The following RRP1 variants were observed in gnomAD, a reference collection of about 807,000 sequenced individuals.
The protein encoded by RRP1 is ribosomal RNA processing protein 1 homolog A.
RRP1 carries 37 observed loss-of-function variants against 54.6 expected under a neutral mutation model. The observed-to-expected ratio is 0.68, with a 90% CI of 0.52 to 0.89. The LOEUF is 0.89. Among genes scored for constraint, RRP1 ranks in the 40% least tolerant of loss-of-function variants. The pLI, the probability that RRP1 is intolerant of heterozygous loss-of-function variation, is 0.00. For missense variants in RRP1, 639 were observed against 612.5 expected (o/e 1.04, Z -0.46); for synonymous variants, 262 against 244.3 (o/e 1.07, Z -0.67).
rs906535105 is a variant in RRP1 at position 43,803,588 on chromosome 21, C to T, written c.1200C>T (p.Pro400=). 9.7e-6 allele frequency: 15 copies of T among 1,552,408 alleles called. No individual in the cohort carries two copies. Among genetic ancestry groups the T allele is most frequent in the Middle Eastern group, 2.1e-4 (1 of 4,788 alleles). Reference sequence around the variant, plus strand: ...GGAGGAGGGGTGTAGGGGCCGACCCCGAGGCGCGGGCAGAGGCTGGTGAGC... The same window carrying T: ...GGAGGAGGGGTGTAGGGGCCGACCCTGAGGCGCGGGCAGAGGCTGGTGAGC... ...RSRRRGVGAD[P]EARAEAGEQP... is the part of the protein sequence containing the mutation. Residue 400 remains proline (P), a synonymous_variant, in exon 13 of 13, where the codon CCC becomes CCT. Transcript: ENST00000497547.
rs2123422801 is a variant in RRP1, at chr21:43,802,395, TA to T, written c.1123+9del. On this transcript the variant is annotated intron_variant, in intron 12 of 12. Coordinates refer to ENST00000497547, the MANE Select transcript of RRP1 (RefSeq NM_003683.6). ...GGTTGCAGCAGGAGAGAGGTAGGAC[TA>T]GGGGGTGTGTTAGTCATGGAGCCGG... 6.2e-7 allele frequency: 1 copy of T among 1,610,070 alleles called. No individual in the cohort carries two copies. Among genetic ancestry groups the T allele is most frequent in the East Asian group, 2.2e-5 (1 of 44,858 alleles).
chr21:43,798,132 G>A lies in RRP1; in HGVS notation c.811+32G>A, dbSNP rs757492135. The stretch of plus-strand genomic sequence containing the variant: ...GTCACACTGCGCCTGGCTTCTCCTC[G>A]GGGCCTGTCCTGGGCTGAGCCAGTG... On this transcript the variant is annotated intron_variant, in intron 8 of 12. Coordinates refer to ENST00000497547, the MANE Select transcript of RRP1 (RefSeq NM_003683.6). The A allele has an allele frequency of 7.0e-6, 11 of 1,562,620 alleles. No homozygotes were observed. In the Admixed American group the frequency reaches 7.5e-5, roughly 11 times the overall value.
Position 43,789,731 on chromosome 21 carries a change from A to G in RRP1, c.102A>G (p.Lys34=). Residue 34 remains lysine, a synonymous_variant, in exon 1 of 13, where the codon AAA becomes AAG. Coordinates refer to ENST00000497547, the MANE Select transcript of RRP1 (RefSeq NM_003683.6). ...TRDRAVRKLR[K]YIVARTQRAA... Reference sequence around the variant, plus strand: ...ACCGGGCGGTGAGGAAGCTCCGGAAATACATCGTCGCCAGGACTCAGCGGG... The same window carrying G: ...ACCGGGCGGTGAGGAAGCTCCGGAAGTACATCGTCGCCAGGACTCAGCGGG... 1.3e-6 allele frequency: 2 copies of G among 1,539,392 alleles called. No individual in the cohort carries two copies. Among genetic ancestry groups the G allele is most frequent in the Non-Finnish European group, 1.8e-6 (2 of 1,142,500 alleles).
chr21:43,804,325 C>T lies in RRP1; in HGVS notation c.*551C>T, dbSNP rs1182947155. ...GCAAGGAATTCAGCTCCAGTAAGGCCTGGATTGCCCGGGGTGAGCGTGTGT... is the reference window on the plus strand; with the variant it reads ...GCAAGGAATTCAGCTCCAGTAAGGCTTGGATTGCCCGGGGTGAGCGTGTGT... On this transcript the variant is annotated 3_prime_UTR_variant, in exon 13 of 13. Coordinates refer to ENST00000497547, the MANE Select transcript of RRP1 (RefSeq NM_003683.6). This position sits in a 1 kb window ranked among gnomAD's most constrained non-coding sequence, Gnocchi z 4.3. 6.6e-6 allele frequency: 1 copy of T among 152,650 alleles called. No homozygotes were observed. The highest frequency in any genetic ancestry group is 1.9e-4 in the East Asian group (1 of 5,196). 9.5% of individuals were successfully genotyped at this position (152,650 alleles called of 1,614,324 possible).
intron 11 of RRP1, among the ~76,000 whole-genome samples, chr21:43,802,054 G>T (rs909937305): frequency 5.9e-5 from 9 of 152,162 alleles, no homozygotes; most frequent in African/African-American, 2.2e-4. Flanking sequence ...CTGTGTCCTG[G>T]ATGCTCCAGG....
intron 2 of RRP1, 23 bp from the exon 3 acceptor site, chr21:43,792,649 C>T (rs767962941): frequency 1.4e-5 from 22 of 1,613,632 alleles, no homozygotes; most frequent in African/African-American, 2.7e-5. Context: ...GGGCTGAGGG[C>T]GTTTTTGTTG....
Position 43,797,662 on chromosome 21 carries a change from A to G in RRP1, c.584A>G (p.Asp195Gly), listed in dbSNP as rs1359155313. 4 of 1,613,882 alleles carry G rather than the reference A, an allele frequency of 2.5e-6. No homozygotes were observed. Among genetic ancestry groups the G allele is most frequent in the South Asian group, 1.1e-5 (1 of 91,078 alleles). ...LTADQNLKFI[D>G]PFCRIAARTK... Reference sequence around the variant, plus strand: ...GCAGACCAGAACCTGAAGTTCATCGACCCCTTCTGCAGAATTGCTGCCCGG... The same window carrying G: ...GCAGACCAGAACCTGAAGTTCATCGGCCCCTTCTGCAGAATTGCTGCCCGG... The change falls in exon 7 of 13, where the codon GAC (aspartate) becomes GGC (glycine). Residue 195 changes from aspartate to glycine, a missense_variant. Physicochemically the swap from Asp to Gly is moderately conservative, Grantham distance 94. Transcript: ENST00000497547.
At chr21:43,801,798 G>T (rs1470286639) in intron 11 of RRP1, among the ~76,000 whole-genome samples, 1 of 152,200 alleles carries the variant, frequency 6.6e-6, no homozygotes, top group Non-Finnish European at 1.5e-5. Context: ...AGCATTGTAG[G>T]CTGTAGACTT....
intron 4 of RRP1, 30 bp downstream of exon 4, chr21:43,793,434 G>A (rs748164271): frequency 8.8e-6 from 14 of 1,596,150 alleles, no homozygotes; most frequent in East Asian, 6.7e-5. Flanking sequence ...GCCGGCGGGC[G>A]GGGGCAGCGC....
At position 43,803,837 on chromosome 21, in the gene RRP1, C is replaced by T; in HGVS notation, c.*63C>T. On this transcript the variant is annotated 3_prime_UTR_variant, in exon 13 of 13. Transcript: ENST00000497547. Reference sequence around the variant, plus strand: ...GCCTCGCTTGCACCGCGGGACGAGGCTGACCGGGCTGTTCTGTAGACTCAG... The same window carrying T: ...GCCTCGCTTGCACCGCGGGACGAGGTTGACCGGGCTGTTCTGTAGACTCAG... The T allele has an allele frequency of 1.4e-6, 2 of 1,479,846 alleles. No homozygotes were observed. Among genetic ancestry groups the T allele is most frequent in the Non-Finnish European group, 1.8e-6 (2 of 1,108,390 alleles). The allele number at this position is 1,479,846 out of a possible 1,614,324, so 91.7% of individuals were successfully genotyped here.
In RRP1 at chr21:43,798,056, G is replaced by C. The variant is rs772909448; in HGVS notation, c.767G>C (p.Arg256Pro). 15 of 1,614,024 alleles carry C rather than the reference G, an allele frequency of 9.3e-6. No homozygotes were observed. Among genetic ancestry groups the C allele is most frequent in the Non-Finnish European group, 1.1e-5 (13 of 1,179,968 alleles). ...DSDESSEGGE[R>P]GDALSQKRSE... ...GATGAGTCCTCTGAGGGTGGTGAGC[G>C]TGGAGACGCGCTGTCCCAGAAGAGG... The change falls in exon 8 of 13, where the codon CGT becomes CCT. Residue 256 changes from arginine to proline, a missense_variant. Coordinates refer to ENST00000497547, the MANE Select transcript of RRP1 (RefSeq NM_003683.6).
In RRP1 at chr21:43,803,560, G is replaced by T; in HGVS notation, c.1172G>T (p.Ser391Ile). The change falls in exon 13 of 13, where the codon AGC becomes ATC. Residue 391 changes from serine (S) to isoleucine (I), a missense_variant. By Grantham distance (142) the Ser-to-Ile change is moderately radical (BLOSUM62 -2). Coordinates refer to ENST00000497547, the MANE Select transcript of RRP1 (RefSeq NM_003683.6). Reference protein sequence around the residue: ...PPSPGMERKRSRRRGVGADPE... With the variant: ...PPSPGMERKRIRRRGVGADPE... ...AGCCCGGGCATGGAGAGGAAGAGGAGCAGGAGGAGGGGTGTAGGGGCCGAC... is the reference window on the plus strand; with the variant it reads ...AGCCCGGGCATGGAGAGGAAGAGGATCAGGAGGAGGGGTGTAGGGGCCGAC... The T allele has an allele frequency of 6.4e-7, 1 of 1,556,782 alleles. No individual in the cohort carries two copies.
rs772213380 is a variant in RRP1, at chr21:43,793,359, C to T, written c.315C>T (p.Arg105=). ...FLQAFWQTMN[R]EWTGIDRLRL... ...AGGCCTTCTGGCAGACCATGAATCG[C>T]GAGTGGACGGGCATTGACAGGCTGC... The change falls in exon 4 of 13, where the codon CGC becomes CGT. Residue 105 remains arginine, a synonymous_variant. Coordinates refer to ENST00000497547, the MANE Select transcript of RRP1 (RefSeq NM_003683.6). 2.0e-5 allele frequency: 32 copies of T among 1,613,972 alleles called. No individual in the cohort carries two copies. The highest frequency in any genetic ancestry group is 1.8e-4 in the East Asian group (8 of 44,896).
intron 11 of RRP1, among the ~76,000 whole-genome samples, chr21:43,801,653 G>A (rs1272331587): frequency 6.6e-6 from 1 of 152,100 alleles, no homozygotes; most frequent in Non-Finnish European, 1.5e-5. Context: ...TGTATTTTTT[G>A]TAGAGACAGG....
At chr21:43,796,192 G>A (rs1471722802) in intron 5 of RRP1, among the ~76,000 whole-genome samples, 3 of 151,902 alleles carry the variant, frequency 2.0e-5, no homozygotes, top group Non-Finnish European at 4.4e-5. Flanking sequence ...GTTTCTCTAG[G>A]TTTGAGTTGC....
chr21:43,791,195 G>A lies in RRP1; in HGVS notation c.134-155G>A, dbSNP rs1343652959. 3 of 760,420 alleles carry A rather than the reference G, an allele frequency of 3.9e-6. No individual in the cohort carries two copies. In the East Asian group the frequency reaches 7.7e-5, roughly 20 times the overall value. 47.1% of individuals were successfully genotyped at this position (760,420 alleles called of 1,614,324 possible). A position where few individuals can be genotyped will look rare whatever the true frequency, so the allele number is the denominator to read the frequency against. ...GGCGCGGCAGGTTCTGGGTTAGAAG[G>A]ATTGTTTGAAGGGGAGGGCCAGATT... On this transcript the variant is annotated intron_variant, in intron 1 of 12. Transcript: ENST00000497547.
chr21:43,790,076 A>G (rs917938269), intron 1 of RRP1, among the ~76,000 whole-genome samples: 19 of 152,194 alleles, frequency 1.2e-4, no homozygotes, highest in Admixed American at 6.5e-4. Flanking sequence ...TTGGGCACCC[A>G]GTATTTTTCC....
In RRP1 at chr21:43,789,593, G is replaced by T; in HGVS notation, c.-37G>T. Reference sequence around the variant, plus strand: ...CGCGTGCTCAGTGTGCTGGGTACCAGGCGACTCCGGGACAGGGGGTCTCGG... The same window carrying T: ...CGCGTGCTCAGTGTGCTGGGTACCATGCGACTCCGGGACAGGGGGTCTCGG... On this transcript the variant is annotated 5_prime_UTR_variant, in exon 1 of 13. The change creates a new upstream start codon in the 5' untranslated region. Transcript: ENST00000497547. 1 of 1,572,720 alleles carries T rather than the reference G, an allele frequency of 6.4e-7. No homozygotes were observed.
chr21:43,793,807 A>G (rs1182814119), intron 4 of RRP1, among the ~76,000 whole-genome samples: 1 of 152,142 alleles, frequency 6.6e-6, no homozygotes, highest in Non-Finnish European at 1.5e-5. Flanking sequence ...GCTGGGATGG[A>G]TGGTCACAGT....
Sources: allele counts gnomAD v4.1 joint callset (sites outside exome capture counted in the v4.1 genomes callset), GRCh38; gene constraint gnomAD v4.1.1; non-coding constraint Gnocchi (gnomAD v3.1); transcripts MANE v1.5; gene names NCBI Gene and HGNC (gene_info 2026-07-23, HGNC 2026-07-21).